Variants in TGFBR3 observed in about 807,000 individuals in gnomAD.
The protein encoded by TGFBR3 is transforming growth factor beta receptor 3.
TGFBR3 carries 46 observed loss-of-function variants against 87.9 expected under a neutral mutation model. That is an observed-to-expected ratio of 0.52 (90% CI 0.41 to 0.67). The LOEUF (loss-of-function observed/expected upper bound fraction) is 0.67. Ranked by LOEUF, TGFBR3 falls within the 30% of genes least tolerant of loss-of-function variation. The probability of loss-of-function intolerance (pLI) is 0.00; values close to 1 mark genes in which losing one functional copy is unlikely to be tolerated. For synonymous variants in TGFBR3, 381 were observed against 391.6 expected, an observed-to-expected ratio of 0.97 and a Z score of 0.32; for missense variants, 866 against 1,041.9, an observed-to-expected ratio of 0.83 and a Z score of 2.32.
intron 5 of TGFBR3, among the ~76,000 whole-genome samples, chr1:91,731,080 A>T (rs541887621): frequency 2.6e-5 from 4 of 152,372 alleles, no homozygotes; most frequent in Non-Finnish European, 5.9e-5. Context: ...GTGTCAAGGA[A>T]GTTCTAGGTG....
chr1:91,838,298 T>C (rs992420333), intron 2 of TGFBR3, among the ~76,000 whole-genome samples: 5 of 152,178 alleles, frequency 3.3e-5, no homozygotes, highest in African/African-American at 1.2e-4. Flanking sequence ...TTTTCTGCAA[T>C]AGAAATTAAA....
At chr1:91,823,544 G>A (rs563746789) in intron 2 of TGFBR3, among the ~76,000 whole-genome samples, 5 of 152,282 alleles carry the variant, frequency 3.3e-5, no homozygotes, top group Non-Finnish European at 5.9e-5. Context: ...CATCAAAAAG[G>A]AACAAATTAC....
rs1677612706 is a variant in TGFBR3 at position 91,848,934 on chromosome 1, C to G, written c.61+12537G>C. On this transcript the variant is annotated intron_variant, in intron 2 of 16. Transcript: ENST00000212355. ...GGTTGTTTTGTGTTTTAAGACTCAG[C>G]TTTTTCAGTTCTATAGATGTAATTA... Among the ~76,000 whole-genome samples, 3 of 152,194 alleles carry G rather than the reference C, an allele frequency of 2.0e-5. No homozygotes were observed. The South Asian group carries it at 6.2e-4, about 32-fold the overall frequency.
At chr1:91,897,964 G>GC (rs1370566427) in intron 2 of TGFBR3, among the ~76,000 whole-genome samples, 1 of 151,588 alleles carries the variant, frequency 6.6e-6, no homozygotes, top group Non-Finnish European at 1.5e-5. Context: ...GAGGCAGGAA[G>GC]ATTGCTTGAG....
chr1:91,691,947 A>C (rs1671279115), intron 16 of TGFBR3, among the ~76,000 whole-genome samples: 1 of 152,140 alleles, frequency 6.6e-6, no homozygotes, highest in African/African-American at 2.4e-5. Flanking sequence ...GCAGTGAGCC[A>C]AGATTGCGCC....
chr1:91,703,155 T>C (rs1025582258), intron 14 of TGFBR3, among the ~76,000 whole-genome samples: 2 of 152,214 alleles, frequency 1.3e-5, no homozygotes, highest in African/African-American at 2.4e-5. Context: ...CAATTAAGCA[T>C]TTCTACCATC....
intron 3 of TGFBR3, among the ~76,000 whole-genome samples, chr1:91,792,347 T>C (rs532814000): frequency 6.6e-6 from 1 of 152,316 alleles, no homozygotes; most frequent in South Asian, 2.1e-4. Context: ...TTATTAAACC[T>C]GGCCCCTTTC....
At chr1:91,898,144 C>A (rs1311676083) in intron 2 of TGFBR3, among the ~76,000 whole-genome samples, 1 of 152,126 alleles carries the variant, frequency 6.6e-6, no homozygotes, top group African/African-American at 2.4e-5. Flanking sequence ...CCCTTGCACT[C>A]CCCTCAACCC....
chr1:91,789,559 C>G (rs562635033), intron 3 of TGFBR3, among the ~76,000 whole-genome samples: 2 of 152,200 alleles, frequency 1.3e-5, no homozygotes, highest in African/African-American at 4.8e-5. Flanking sequence ...TTGGTAGGAA[C>G]GTTTTAACTT....
rs145765936 is a variant in TGFBR3 at position 91,774,200 on chromosome 1, C to T, written c.247-15450G>A. ...TCACCCAGGCTGGAATGCAGTGGCA[C>T]GATCTCGGCTCACTGCAACCTCTGC... is the stretch of plus-strand genomic sequence containing the variant. On this transcript the variant is annotated intron_variant, in intron 3 of 16. Coordinates refer to ENST00000212355, the MANE Select transcript of TGFBR3 (RefSeq NM_003243.5). Among the ~76,000 whole-genome samples the T allele has an allele frequency of 1.9e-3, 292 of 151,886 alleles. 1 individual carries two copies. The highest frequency in any genetic ancestry group is 6.8e-3 in the African/African-American group (282 of 41,406).
chr1:91,728,936 A>G (rs1194764970), intron 6 of TGFBR3, among the ~76,000 whole-genome samples: 1 of 152,004 alleles, frequency 6.6e-6, no homozygotes, highest in African/African-American at 2.4e-5. Flanking sequence ...TTTCCAATCC[A>G]GGGGTAGGAA....
At chr1:91,819,417 C>T (rs778354459) in intron 2 of TGFBR3, among the ~76,000 whole-genome samples, 8 of 151,780 alleles carry the variant, frequency 5.3e-5, no homozygotes, top group African/African-American at 1.5e-4. Flanking sequence ...ACCTTGTAAG[C>T]GAGGCCACTC....
chr1:91,803,554 T>C (rs1166687765), intron 2 of TGFBR3, among the ~76,000 whole-genome samples: 2 of 151,460 alleles, frequency 1.3e-5, no homozygotes, highest in Non-Finnish European at 2.9e-5. Flanking sequence ...TTTTTTTTAA[T>C]AGGAAACAAA....
chr1:91,721,403 C>T (rs145104651), intron 8 of TGFBR3, among the ~76,000 whole-genome samples: 5 of 152,312 alleles, frequency 3.3e-5, no homozygotes, highest in Admixed American at 3.3e-4. Context: ...TGGCATTTCA[C>T]TCAGTGGTGG....
chr1:91,819,847 T>C (rs937647914), intron 2 of TGFBR3, among the ~76,000 whole-genome samples: 1 of 152,162 alleles, frequency 6.6e-6, no homozygotes, highest in Non-Finnish European at 1.5e-5. Context: ...TTACAGTTCT[T>C]AAGAGAATGA....
At chr1:91,874,775 G>A (rs1056895384) in intron 1 of TGFBR3, among the ~76,000 whole-genome samples, 1 of 152,262 alleles carries the variant, frequency 6.6e-6, no homozygotes, top group Non-Finnish European at 1.5e-5. Flanking sequence ...TTACAGGCGT[G>A]AGCCACTGCG....
At chr1:91,869,029 C>T (rs975853801) in intron 1 of TGFBR3, among the ~76,000 whole-genome samples, 1 of 152,160 alleles carries the variant, frequency 6.6e-6, no homozygotes, top group Non-Finnish European at 1.5e-5. Flanking sequence ...AGGGCCAAGT[C>T]CTCACCTTCC....
intron 3 of TGFBR3, among the ~76,000 whole-genome samples, chr1:91,792,569 C>T (rs1161159594): frequency 1.3e-5 from 2 of 152,196 alleles, no homozygotes; most frequent in Non-Finnish European, 2.9e-5. Flanking sequence ...CACACCACCA[C>T]ATAAAAGCAG....
chr1:91,800,630 T>A (rs1483038875), intron 2 of TGFBR3, among the ~76,000 whole-genome samples: 1 of 151,862 alleles, frequency 6.6e-6, no homozygotes, highest in Non-Finnish European at 1.5e-5. Context: ...CCTCATAGAA[T>A]TTTTTTCCCT....
Sources: gnomAD v4.1 joint callset for allele counts (sites outside exome capture counted in the v4.1 genomes callset) on GRCh38, gnomAD v4.1.1 for gene constraint, MANE v1.5 for transcripts, NCBI Gene and HGNC (gene_info 2026-07-23, HGNC 2026-07-21) for gene names.